CLYBL: variants seen among roughly 807,000 people sequenced by gnomAD.
CLYBL encodes the protein citramalyl-CoA lyase, also known as citramalyl-CoA lyase, mitochondrial.
CLYBL carries 31 observed loss-of-function variants against 38.9 expected under a neutral mutation model. The observed-to-expected ratio is 0.80, with a 90% CI of 0.60 to 1.08. The LOEUF (loss-of-function observed/expected upper bound fraction) is 1.08, where lower values mean the gene tolerates loss of function less well. Among genes scored for constraint, CLYBL ranks in the 50% least tolerant of loss-of-function variants. The pLI is 0.00. For missense variants in CLYBL, 434 were observed against 411.6 expected (o/e 1.05, Z -0.47); for synonymous variants, 171 against 158.6 (o/e 1.08, Z -0.59).
intron 2 of CLYBL, among the ~76,000 whole-genome samples, chr13:99,788,273 G>A (rs1303865775): frequency 6.6e-6 from 1 of 152,134 alleles, no homozygotes; most frequent in Non-Finnish European, 1.5e-5. Context: ...TCCCTGTCTT[G>A]TGCCAGTTTT....
intron 1 of CLYBL, among the ~76,000 whole-genome samples, chr13:99,768,187 TTTTTC>T (rs2049306625): frequency 1.6e-5 from 2 of 121,790 alleles, no homozygotes; most frequent in Non-Finnish European, 3.7e-5. Context: ...AAGTCTTTTC[TTTTTC>T]TTTTTTTTTT....
chr13:99,732,848 T>C (rs531385447), intron 1 of CLYBL, among the ~76,000 whole-genome samples: 85 of 152,370 alleles, frequency 5.6e-4, no homozygotes, highest in African/African-American at 2.0e-3. Flanking sequence ...TTGAAACTTC[T>C]GTGTCAGTGT....
At chr13:99,870,202 G>T (rs2051848115) in intron 6 of CLYBL, among the ~76,000 whole-genome samples, 1 of 151,968 alleles carries the variant, frequency 6.6e-6, no homozygotes, top group African/African-American at 2.4e-5. Flanking sequence ...GAAAATCTGG[G>T]TATATTTTTG....
intron 8 of CLYBL, among the ~76,000 whole-genome samples, chr13:99,904,627 T>C (rs541185933): frequency 1.4e-4 from 22 of 152,196 alleles, no homozygotes; most frequent in African/African-American, 4.3e-4. Flanking sequence ...AAAAGAAATG[T>C]GTGGCCTCTA....
At chr13:99,745,287 C>A (rs1437749820) in intron 1 of CLYBL, among the ~76,000 whole-genome samples, 1 of 152,052 alleles carries the variant, frequency 6.6e-6, no homozygotes, top group Non-Finnish European at 1.5e-5. Context: ...CAGTTTTATT[C>A]TTTTTGTATT....
rs568435602 is a variant in CLYBL at position 99,704,900 on chromosome 13, C to CA, written c.63-67918dup. Reference sequence around the variant, plus strand: ...GCATCCTACATGAGCCAAACTTAGACAAAAAACAAGGCAACTCTTGGTTAT... The same window carrying CA: ...GCATCCTACATGAGCCAAACTTAGACAAAAAAACAAGGCAACTCTTGGTTAT... On this transcript the variant is annotated intron_variant, in intron 1 of 8. Coordinates refer to ENST00000339105, the MANE Select transcript of CLYBL (RefSeq NM_206808.5). Among the ~76,000 whole-genome samples, 202 of 152,204 alleles carry CA rather than the reference C, an allele frequency of 1.3e-3. 1 individual carries two copies. The highest frequency in any genetic ancestry group is 4.0e-3 in the African/African-American group (167 of 41,518).
At chr13:99,837,025 A>AACTT (rs1439122043) in intron 2 of CLYBL, among the ~76,000 whole-genome samples, 1 of 152,066 alleles carries the variant, frequency 6.6e-6, no homozygotes, top group African/African-American at 2.4e-5. Context: ...TGTACCCTAA[A>AACTT]ACTTAAAGTA....
chr13:99,684,035 A>ATTTTTTTTTTTTTTTTTTTT (rs778902077), intron 1 of CLYBL, among the ~76,000 whole-genome samples: 14 of 86,376 alleles, frequency 1.6e-4, no homozygotes, highest in Middle Eastern at 8.8e-3. Flanking sequence ...TGCCTGGCTA[A>ATTTTTTTTTTTTTTTTTTTT]TTTTTTTTTT....
chr13:99,750,507 C>G (rs1385734242), intron 1 of CLYBL, among the ~76,000 whole-genome samples: 1 of 151,962 alleles, frequency 6.6e-6, no homozygotes, highest in East Asian at 1.9e-4. Context: ...AACCCCGTCT[C>G]TACCAAAAAT....
At chr13:99,650,654 C>T (rs1431388992) in intron 1 of CLYBL, among the ~76,000 whole-genome samples, 1 of 152,148 alleles carries the variant, frequency 6.6e-6, no homozygotes. Context: ...CACCACCTTT[C>T]CTCGTCCTGT....
intron 1 of CLYBL, among the ~76,000 whole-genome samples, chr13:99,619,319 G>A (rs552848201): frequency 6.6e-6 from 1 of 152,272 alleles, no homozygotes; most frequent in South Asian, 2.1e-4. Flanking sequence ...GCGCCATATT[G>A]GAAGCAGAGA....
At chr13:99,823,359 C>T (rs569449829) in intron 2 of CLYBL, among the ~76,000 whole-genome samples, 12 of 152,242 alleles carry the variant, frequency 7.9e-5, no homozygotes, top group African/African-American at 1.7e-4. Context: ...AGCCACTATA[C>T]CTGGCTAGTT....
At chr13:99,873,266 T>C (rs1051241535) in intron 7 of CLYBL, among the ~76,000 whole-genome samples, 2 of 152,240 alleles carry the variant, frequency 1.3e-5, no homozygotes, top group African/African-American at 4.8e-5. Flanking sequence ...GGTAGGTGAC[T>C]CTGGATCTTG....
rs531435098 is a variant in CLYBL at position 99,747,569 on chromosome 13, C to G, written c.63-25255C>G. Reference sequence around the variant, plus strand: ...ACCCACACGGGAGACAAACGGGGCTCTCTCTGTTTTCATGGAAAAACTGCC... The same window carrying G: ...ACCCACACGGGAGACAAACGGGGCTGTCTCTGTTTTCATGGAAAAACTGCC... On this transcript the variant is annotated intron_variant, in intron 1 of 8. Coordinates refer to ENST00000339105, the MANE Select transcript of CLYBL (RefSeq NM_206808.5). Among the ~76,000 whole-genome samples the G allele has an allele frequency of 3.9e-5, 6 of 152,246 alleles. No homozygotes were observed. The East Asian group carries it at 1.2e-3, about 29-fold the overall frequency.
At chr13:99,629,994 G>C (rs1259379460) in intron 1 of CLYBL, among the ~76,000 whole-genome samples, 1 of 152,138 alleles carries the variant, frequency 6.6e-6, no homozygotes, top group African/African-American at 2.4e-5. Context: ...TTGTGTTGTC[G>C]AAGAGGCTCT....
At chr13:99,749,320 G>A (rs1011094707) in intron 1 of CLYBL, among the ~76,000 whole-genome samples, 3 of 152,182 alleles carry the variant, frequency 2.0e-5, no homozygotes, top group East Asian at 1.9e-4. Context: ...TTACTAAACC[G>A]GACAAGAATA....
At chr13:99,636,923 G>A (rs566044311) in intron 1 of CLYBL, among the ~76,000 whole-genome samples, 3 of 152,162 alleles carry the variant, frequency 2.0e-5, no homozygotes, top group South Asian at 2.1e-4. Context: ...CGCCCAGGTC[G>A]GAGTGCAGTG....
intron 2 of CLYBL, among the ~76,000 whole-genome samples, chr13:99,780,031 A>G (rs1188147129): frequency 6.6e-6 from 1 of 152,156 alleles, no homozygotes; most frequent in Non-Finnish European, 1.5e-5. Flanking sequence ...TCAAATATAC[A>G]AATCTTTACC....
At chr13:99,803,364 A>G (rs2050172022) in intron 2 of CLYBL, among the ~76,000 whole-genome samples, 1 of 152,250 alleles carries the variant, frequency 6.6e-6, no homozygotes, top group Non-Finnish European at 1.5e-5. Flanking sequence ...GGCATCCTTG[A>G]TGACACTGCT....
Sources: allele counts gnomAD v4.1 joint callset (sites outside exome capture counted in the v4.1 genomes callset), GRCh38; gene constraint gnomAD v4.1.1; transcripts MANE v1.5; gene names NCBI Gene and HGNC (gene_info 2026-07-23, HGNC 2026-07-21).